AGPAT3: variants seen among roughly 807,000 people sequenced by gnomAD.
AGPAT3 encodes 1-acyl-sn-glycerol-3-phosphate acyltransferase gamma.
In AGPAT3, 5 loss-of-function variants were observed where a neutral mutation model predicts 47.3. The ratio of observed to expected loss-of-function variants is 0.11; its 90% CI spans 0.06 to 0.22. AGPAT3 has a LOEUF of 0.22. AGPAT3 is among the 10% of genes least tolerant of loss of function. AGPAT3 has a pLI of 1.00. For missense variants in AGPAT3, 315 were observed against 493.0 expected (o/e 0.64, Z 3.42); for synonymous variants, 212 against 208.3 (o/e 1.02, Z -0.15).
At position 43,954,222 on chromosome 21, in the gene AGPAT3, G is replaced by A. The variant is rs757250333; in HGVS notation, c.-48-5412G>A. ...GGCCAAGCAGGGCACCTTCCTCACC[G>A]TCACCCTTCTGCAGGGAGGGAGGTG... On this transcript the variant is annotated intron_variant, in intron 2 of 9. Transcript: ENST00000291572. The surrounding 1 kb of genome is among the most constrained non-coding windows in gnomAD (Gnocchi z 4.0). 1.9e-4 allele frequency among the ~76,000 whole-genome samples: 29 copies of A among 152,286 alleles called. No individual in the cohort carries two copies. Among genetic ancestry groups the A allele is most frequent in the Non-Finnish European group, 3.5e-4 (24 of 68,020 alleles).
intron 1 of AGPAT3, among the ~76,000 whole-genome samples, chr21:43,876,785 G>A (rs2085743066): frequency 6.6e-6 from 1 of 152,182 alleles, no homozygotes; most frequent in African/African-American, 2.4e-5. Flanking sequence ...AAGCTGGGAA[G>A]CCTCCCCACT....
chr21:43,970,882 ATG>A lies in AGPAT3; in HGVS notation c.664+77_664+78del. 7.6e-6 allele frequency: 10 copies of A among 1,314,986 alleles called. No homozygotes were observed. The highest frequency in any genetic ancestry group is 1.0e-5 in the Non-Finnish European group (10 of 996,804). The allele number at this position is 1,314,986 out of a possible 1,614,324, so 81.5% of individuals were successfully genotyped here. On this transcript the variant is annotated intron_variant, in intron 6 of 9. Coordinates refer to ENST00000291572, the MANE Select transcript of AGPAT3 (RefSeq NM_020132.5). This position sits in a 1 kb window ranked among gnomAD's most constrained non-coding sequence, Gnocchi z 5.8. ...AGTGATTTCTTTAAAAAAAAAAAAA[ATG>A]AGTGCATTCCATGTGAAACACAGAA...
chr21:43,951,548 A>G (rs1392976397), intron 2 of AGPAT3, among the ~76,000 whole-genome samples: 1 of 152,190 alleles, frequency 6.6e-6, no homozygotes, highest in African/African-American at 2.4e-5. Context: ...CCAGGACCCA[A>G]GGACAGCAGG....
chr21:43,884,453 A>G (rs555978776), intron 1 of AGPAT3, among the ~76,000 whole-genome samples: 2 of 152,278 alleles, frequency 1.3e-5, no homozygotes, highest in African/African-American at 4.8e-5. Context: ...CTAATCCGAA[A>G]GAGCCGCACA....
In AGPAT3 at chr21:43,985,759, C is replaced by T. The variant is rs1378257079; in HGVS notation, c.*3367C>T. 1 of 164,850 alleles carries T rather than the reference C, an allele frequency of 6.1e-6. No individual in the cohort carries two copies. The highest frequency in any genetic ancestry group is 1.3e-5 in the Non-Finnish European group (1 of 75,218). The allele number at this position is 164,850 out of a possible 1,614,324, so 10.2% of individuals were successfully genotyped here. ...AGATTTTCACCTGACTTGTTCAGCC[C>T]CATGCGTAGACTCCCGCTGCAGGCC... On this transcript the variant is annotated 3_prime_UTR_variant, in exon 10 of 10. Transcript: ENST00000291572.
chr21:43,905,338 C>T (rs577652425), intron 2 of AGPAT3, among the ~76,000 whole-genome samples: 25 of 152,018 alleles, frequency 1.6e-4, no homozygotes, highest in East Asian at 1.2e-3. Flanking sequence ...TACAGGCGCC[C>T]GCCACCACGT....
chr21:43,905,820 G>A (rs982135615), intron 2 of AGPAT3, among the ~76,000 whole-genome samples: 4 of 152,238 alleles, frequency 2.6e-5, no homozygotes, highest in Non-Finnish European at 5.9e-5. Context: ...TCAGGGCTGA[G>A]AGGAGGGCAT....
At chr21:43,894,116 C>T (rs1439732621) in intron 1 of AGPAT3, among the ~76,000 whole-genome samples, 2 of 152,082 alleles carry the variant, frequency 1.3e-5, no homozygotes, top group Non-Finnish European at 2.9e-5. Flanking sequence ...GAGACTGCTC[C>T]GTAATTATCC....
At chr21:43,904,903 C>T (rs2086452228) in intron 2 of AGPAT3, among the ~76,000 whole-genome samples, 1 of 152,164 alleles carries the variant, frequency 6.6e-6, no homozygotes, top group African/African-American at 2.4e-5. Context: ...GTGTAACTCA[C>T]AGGCCCAGTT....
chr21:43,981,433 T>A lies in AGPAT3; in HGVS notation c.1042+246T>A. The stretch of plus-strand genomic sequence containing the variant: ...GGCGCCATCCCCACTGCAGCCCCAC[T>A]GGCTGGCGCCCTTGAGGATGCCGAC... On this transcript the variant is annotated intron_variant, in intron 9 of 9. Coordinates refer to ENST00000291572, the MANE Select transcript of AGPAT3 (RefSeq NM_020132.5). The surrounding 1 kb of genome is among the most constrained non-coding windows in gnomAD (Gnocchi z 5.3). 1.8e-6 allele frequency: 1 copy of A among 567,970 alleles called. No homozygotes were observed. The highest frequency in any genetic ancestry group is 3.0e-5 in the East Asian group (1 of 33,406). 35.2% of individuals were successfully genotyped at this position (567,970 alleles called of 1,614,324 possible). A position where few individuals can be genotyped will look rare whatever the true frequency, so the allele number is the denominator to read the frequency against.
intron 2 of AGPAT3, among the ~76,000 whole-genome samples, chr21:43,937,941 C>G (rs1190704209): frequency 6.6e-6 from 1 of 152,098 alleles, no homozygotes; most frequent in East Asian, 1.9e-4. Flanking sequence ...GGCAGCCAGT[C>G]ATATTTGCAT....
At position 43,921,620 on chromosome 21, in the gene AGPAT3, G is replaced by A. The variant is rs533087004; in HGVS notation, c.-49+17601G>A. 3.9e-5 allele frequency among the ~76,000 whole-genome samples: 6 copies of A among 152,346 alleles called. No individual in the cohort carries two copies. The East Asian group carries it at 5.8e-4, about 15-fold the overall frequency. On this transcript the variant is annotated intron_variant, in intron 2 of 9. Transcript: ENST00000291572. Reference sequence around the variant, plus strand: ...TGGGGACAGAAGGAAAGAAGAGTTTGTTTCCTGCGGGTGAGACTCTGGGCT... The same window carrying A: ...TGGGGACAGAAGGAAAGAAGAGTTTATTTCCTGCGGGTGAGACTCTGGGCT...
At chr21:43,944,164 G>C (rs1010964813) in intron 2 of AGPAT3, among the ~76,000 whole-genome samples, 2 of 152,250 alleles carry the variant, frequency 1.3e-5, no homozygotes, top group African/African-American at 2.4e-5. Flanking sequence ...CACCCACGTG[G>C]CAGAATCTGT....
At chr21:43,978,181 G>C in intron 8 of AGPAT3, 60 bp downstream of exon 8, 5 of 1,509,964 alleles carry the variant, frequency 3.3e-6, no homozygotes, top group Non-Finnish European at 3.6e-6. Flanking sequence ...TGGAAGGGGT[G>C]CTGGCGAGCA....
intron 2 of AGPAT3, among the ~76,000 whole-genome samples, chr21:43,945,706 A>G (rs2087855526): frequency 6.6e-6 from 1 of 152,210 alleles, no homozygotes; most frequent in Non-Finnish European, 1.5e-5. Flanking sequence ...TACTCGGTTT[A>G]TTCCATCTTG....
intron 7 of AGPAT3, among the ~76,000 whole-genome samples, chr21:43,974,658 T>C (rs1354470977): frequency 2.0e-5 from 3 of 151,340 alleles, no homozygotes; most frequent in Non-Finnish European, 4.4e-5. Context: ...GTATAAATTA[T>C]AAATGTGTGT....
intron 3 of AGPAT3, among the ~76,000 whole-genome samples, chr21:43,963,424 G>C (rs1038721396): frequency 6.6e-6 from 1 of 152,062 alleles, no homozygotes; most frequent in African/African-American, 2.4e-5. Flanking sequence ...CAGAGACAAG[G>C]AGGAGCCGGG....
At chr21:43,937,552 G>C (rs1329084190) in intron 2 of AGPAT3, among the ~76,000 whole-genome samples, 3 of 152,288 alleles carry the variant, frequency 2.0e-5, no homozygotes, top group Non-Finnish European at 4.4e-5. Context: ...CAGGAAAAGG[G>C]AGTTTTTTTT....
Position 43,913,113 on chromosome 21 carries a change from G to A in AGPAT3, c.-49+9094G>A, listed in dbSNP as rs539893817. Among the ~76,000 whole-genome samples the A allele has an allele frequency of 6.6e-5, 10 of 152,300 alleles. No individual in the cohort carries two copies. In the South Asian group the frequency reaches 2.1e-3, roughly 32 times the overall value. ...AAGCCTTCTTGTTAAGGAATCAGAT[G>A]AACTTTGTTAGTCAATTTCCTCATA... is the stretch of plus-strand genomic sequence containing the variant. On this transcript the variant is annotated intron_variant, in intron 2 of 9. Transcript: ENST00000291572.
Sources: allele counts gnomAD v4.1 joint callset (sites outside exome capture counted in the v4.1 genomes callset), GRCh38; gene constraint gnomAD v4.1.1; non-coding constraint Gnocchi (gnomAD v3.1); transcripts MANE v1.5; gene names NCBI Gene and HGNC (gene_info 2026-07-23, HGNC 2026-07-21).